The following RBFOX1 variants were observed in gnomAD, a reference collection of about 807,000 sequenced individuals.
RBFOX1 encodes RNA binding protein fox-1 homolog 1.
RBFOX1 carries 8 observed loss-of-function variants against 57.7 expected under a neutral mutation model. That is an observed-to-expected ratio of 0.14 (90% confidence interval 0.08 to 0.25). The LOEUF (loss-of-function observed/expected upper bound fraction) is 0.25, where lower values mean the gene tolerates loss of function less well. Ranked by LOEUF, RBFOX1 falls within the 10% of genes least tolerant of loss-of-function variation. The pLI is 1.00. For synonymous variants in RBFOX1, 326 were observed against 222.4 expected (o/e 1.47, Z -4.15); for missense variants, 611 against 548.5 (o/e 1.11, Z -1.14).
chr16:7,008,123 C>G (rs2093408550), intron 3 of RBFOX1, among the ~76,000 whole-genome samples: 1 of 152,112 alleles, frequency 6.6e-6, no homozygotes, highest in Admixed American at 6.5e-5. Context: ...TGTACAAGTT[C>G]TCACTGAAAA....
Position 7,402,544 on chromosome 16 carries a change from C to T in RBFOX1, c.28-115603C>T, listed in dbSNP as rs540797301. Among the ~76,000 whole-genome samples, 27 of 152,284 alleles carry T rather than the reference C, an allele frequency of 1.8e-4. 1 individual carries two copies. Among genetic ancestry groups the T allele is most frequent in the African/African-American group, 6.0e-4 (25 of 41,558 alleles). ...GGAGGTCATCGTTGGGAACAGACTT[C>T]AAAGTATGTGAACTTTGGTAGTGGA... On this transcript the variant is annotated intron_variant, in intron 4 of 15. Transcript: ENST00000550418.
chr16:7,233,044 C>T (rs1464264776), intron 4 of RBFOX1, among the ~76,000 whole-genome samples: 2 of 152,050 alleles, frequency 1.3e-5, no homozygotes, highest in African/African-American at 2.4e-5. Context: ...CTTTTCAATC[C>T]CTTTTGCTTG....
chr16:6,125,926 C>G (rs368122340), intron 1 of RBFOX1, among the ~76,000 whole-genome samples: 3 of 152,016 alleles, frequency 2.0e-5, no homozygotes, highest in South Asian at 2.1e-4. Flanking sequence ...AGTTAAATAC[C>G]TTTCAGTATT....
intron 4 of RBFOX1, among the ~76,000 whole-genome samples, chr16:7,071,681 T>G (rs2057372998): frequency 6.6e-6 from 1 of 151,768 alleles, no homozygotes; most frequent in African/African-American, 2.4e-5. Flanking sequence ...ATATATATTT[T>G]CCCAGTATTG....
chr16:6,138,852 G>C (rs1024314203), intron 1 of RBFOX1, among the ~76,000 whole-genome samples: 3 of 152,158 alleles, frequency 2.0e-5, no homozygotes, highest in African/African-American at 7.2e-5. Flanking sequence ...GGGCGACAGA[G>C]TGAGGCTCCG....
At chr16:7,161,789 C>G (rs866973077) in intron 4 of RBFOX1, among the ~76,000 whole-genome samples, 1 of 152,162 alleles carries the variant, frequency 6.6e-6, no homozygotes, top group Non-Finnish European at 1.5e-5. Flanking sequence ...GAGGTGATTT[C>G]AGCACAAGCA....
chr16:5,303,239 G>A (rs1054002293), intron 1 of RBFOX1, among the ~76,000 whole-genome samples: 2 of 152,152 alleles, frequency 1.3e-5, no homozygotes, highest in African/African-American at 4.8e-5. Flanking sequence ...TAGTGTTGAT[G>A]GGTCCCTATA....
At chr16:7,440,199 A>T (rs551205128) in intron 4 of RBFOX1, among the ~76,000 whole-genome samples, 24 of 152,074 alleles carry the variant, frequency 1.6e-4, no homozygotes, top group African/African-American at 5.5e-4. Context: ...TCTGGCCCCA[A>T]ATGTTTTATG....
At chr16:6,772,450 G>C (rs563816097) in intron 3 of RBFOX1, among the ~76,000 whole-genome samples, 1 of 151,738 alleles carries the variant, frequency 6.6e-6, no homozygotes, top group African/African-American at 2.4e-5. Flanking sequence ...GTGTATGTAT[G>C]TGTGGGCATG....
At chr16:7,701,279 A>G (rs1350438789) in intron 14 of RBFOX1, among the ~76,000 whole-genome samples, 1 of 150,232 alleles carries the variant, frequency 6.7e-6, no homozygotes, top group African/African-American at 2.5e-5. Flanking sequence ...AGGGGTCCCC[A>G]ACTGGACACA....
chr16:5,897,948 C>T (rs1026711991), intron 4 of RBFOX1, among the ~76,000 whole-genome samples: 8 of 151,366 alleles, frequency 5.3e-5, no homozygotes, highest in Admixed American at 2.0e-4. Flanking sequence ...TAGGTAATGA[C>T]TTCTGGGTAT....
chr16:5,952,732 CT>C (rs953767084), intron 4 of RBFOX1, among the ~76,000 whole-genome samples: 5 of 152,162 alleles, frequency 3.3e-5, no homozygotes, highest in Admixed American at 6.5e-5. Flanking sequence ...GGGCATCTCT[CT>C]GGGGTTTCCC....
chr16:6,330,688 C>T lies in RBFOX1; in HGVS notation c.-64+13631C>T, dbSNP rs148762100. 3.6e-3 allele frequency among the ~76,000 whole-genome samples: 542 copies of T among 152,308 alleles called. 7 individuals carry two copies. The highest frequency in any genetic ancestry group is 0.011 in the African/African-American group (471 of 41,566). On this transcript the variant is annotated intron_variant, in intron 2 of 15. Transcript: ENST00000550418. ...ATGCTGCCTAGACTCAGGGGTCTTA[C>T]TTTCTCTAGAGGAAACAAATATTAG...
chr16:6,384,918 C>G (rs1029131758), intron 2 of RBFOX1, among the ~76,000 whole-genome samples: 3 of 152,160 alleles, frequency 2.0e-5, no homozygotes, highest in Non-Finnish European at 1.5e-5. Context: ...CAGGCAGCCT[C>G]TCTTAAGAAA....
intron 2 of RBFOX1, among the ~76,000 whole-genome samples, chr16:6,574,311 C>G (rs547336370): frequency 3.7e-4 from 56 of 152,160 alleles, no homozygotes; most frequent in African/African-American, 1.3e-3. Context: ...CTAGGTCTCC[C>G]CATGGCAACA....
intron 3 of RBFOX1, among the ~76,000 whole-genome samples, chr16:5,849,300 G>A (rs2056832764): frequency 6.6e-6 from 1 of 152,112 alleles, no homozygotes; most frequent in Non-Finnish European, 1.5e-5. Context: ...TTTGGGAAAT[G>A]GCAGTAACAA....
chr16:7,382,637 A>T (rs1388833420), intron 4 of RBFOX1, among the ~76,000 whole-genome samples: 1 of 152,228 alleles, frequency 6.6e-6, no homozygotes, highest in Non-Finnish European at 1.5e-5. Context: ...AGTGTTTTTC[A>T]TAGTTAAAAG....
chr16:5,784,243 AACCCCGTCTCT>A (rs2054422273), intron 3 of RBFOX1, among the ~76,000 whole-genome samples: 1 of 152,108 alleles, frequency 6.6e-6, no homozygotes, highest in Admixed American at 6.6e-5. Context: ...AACGTGGTGA[AACCCCGTCTCT>A]ACTAAAAATA....
chr16:6,504,964 T>C (rs2096052398), intron 2 of RBFOX1, among the ~76,000 whole-genome samples: 1 of 151,988 alleles, frequency 6.6e-6, no homozygotes, highest in South Asian at 2.1e-4. Context: ...TCCCAGCTAC[T>C]TGGGAGGCTG....
Sources: allele counts gnomAD v4.1 joint callset (sites outside exome capture counted in the v4.1 genomes callset), GRCh38; gene constraint gnomAD v4.1.1; transcripts MANE v1.5; gene names NCBI Gene and HGNC (gene_info 2026-07-23, HGNC 2026-07-21).